Variants in HDAC4 observed in about 807,000 individuals in gnomAD.
HDAC4 encodes histone deacetylase 4, also known as histone deacetylase A.
In HDAC4, 16 loss-of-function variants were observed where a neutral mutation model predicts 135.1. That is an observed-to-expected ratio of 0.12 (90% CI 0.08 to 0.18). The LOEUF (loss-of-function observed/expected upper bound fraction) is 0.18. Among genes scored for constraint, HDAC4 ranks in the 10% least tolerant of loss-of-function variants. HDAC4 has a pLI of 1.00. For synonymous variants in HDAC4, 685 were observed against 653.4 expected (o/e 1.05, Z -0.74); for missense variants, 1,143 against 1,511.8 (o/e 0.76, Z 4.05).
chr2:239,262,529 AT>A lies in HDAC4; in HGVS notation c.23-25866del, dbSNP rs1446455893. 6.6e-6 allele frequency among the ~76,000 whole-genome samples: 1 copy of A among 152,226 alleles called. No homozygotes were observed. Among genetic ancestry groups the A allele is most frequent in the Non-Finnish European group, 1.5e-5 (1 of 68,040 alleles). On this transcript the variant is annotated intron_variant, in intron 2 of 26. Transcript: ENST00000543185. The surrounding 1 kb of genome is among the most constrained non-coding windows in gnomAD (Gnocchi z 4.1). ...CCCAGGTCCGAGATGAGGTAATGCC[AT>A]TAGCAGGCAAGACTGATCTCTACTC...
At chr2:239,090,924 C>T (rs1465407470) in intron 17 of HDAC4, among the ~76,000 whole-genome samples, 1 of 152,208 alleles carries the variant, frequency 6.6e-6, no homozygotes, top group Admixed American at 6.5e-5. Flanking sequence ...TCTCCTGTGC[C>T]GAGTTTAACT....
chr2:239,113,860 T>A (rs1341130320), intron 13 of HDAC4, among the ~76,000 whole-genome samples: 3 of 152,160 alleles, frequency 2.0e-5, no homozygotes, highest in Non-Finnish European at 4.4e-5. Context: ...GCGTTAGTTC[T>A]GCTGGGCTTT....
intron 7 of HDAC4, among the ~76,000 whole-genome samples, chr2:239,156,252 C>G (rs1240249409): frequency 1.3e-5 from 2 of 152,348 alleles, no homozygotes; most frequent in Admixed American, 6.5e-5. Context: ...CTGGCACTGC[C>G]CAGCGCCATC....
At chr2:239,104,029 C>T (rs2037900093) in intron 15 of HDAC4, among the ~76,000 whole-genome samples, 1 of 148,874 alleles carries the variant, frequency 6.7e-6, no homozygotes, top group South Asian at 2.4e-4. Context: ...ATGAAGGTCT[C>T]TTGTTTAACA....
Position 239,148,657 on chromosome 2 carries a change from G to A in HDAC4, c.734-3943C>T, listed in dbSNP as rs546892189. Among the ~76,000 whole-genome samples the A allele has an allele frequency of 2.0e-5, 3 of 152,336 alleles. No individual in the cohort carries two copies. In the South Asian group the frequency reaches 6.2e-4, roughly 32 times the overall value. On this transcript the variant is annotated intron_variant, in intron 7 of 26. Transcript: ENST00000543185. Reference sequence around the variant, plus strand: ...ATAAAGTGATTTACCAGCAAATGAGGACTCCAAAAACTCATGCTCCATGCA... The same window carrying A: ...ATAAAGTGATTTACCAGCAAATGAGAACTCCAAAAACTCATGCTCCATGCA...
At chr2:239,288,884 T>C (rs1405611621) in intron 2 of HDAC4, among the ~76,000 whole-genome samples, 1 of 151,984 alleles carries the variant, frequency 6.6e-6, no homozygotes, top group African/African-American at 2.4e-5. Context: ...ATCCATAGAG[T>C]CAATGCAATT....
At chr2:239,276,791 G>A (rs567226608) in intron 2 of HDAC4, among the ~76,000 whole-genome samples, 18 of 152,338 alleles carry the variant, frequency 1.2e-4, no homozygotes, top group African/African-American at 2.4e-4. Flanking sequence ...GAGGCAAGAC[G>A]GCAGAGGGAG....
At chr2:239,367,434 G>A (rs1020818951) in intron 1 of HDAC4, among the ~76,000 whole-genome samples, 1 of 152,120 alleles carries the variant, frequency 6.6e-6, no homozygotes, top group Non-Finnish European at 1.5e-5. Flanking sequence ...TTTCAAATGA[G>A]TAAGCACGTT....
At chr2:239,396,697 C>T (rs1042856673) in intron 1 of HDAC4, among the ~76,000 whole-genome samples, 3 of 152,208 alleles carry the variant, frequency 2.0e-5, no homozygotes, top group Non-Finnish European at 4.4e-5. Context: ...GCCCGGCTGA[C>T]GGAGTCTTTT....
At chr2:239,153,865 T>C (rs1453744273) in intron 7 of HDAC4, among the ~76,000 whole-genome samples, 3 of 152,202 alleles carry the variant, frequency 2.0e-5, no homozygotes, top group African/African-American at 4.8e-5. Flanking sequence ...CTACGAGAGA[T>C]GGCGCGGGCC....
chr2:239,385,053 GCCCTTCCCAT>G (rs1213006297), intron 1 of HDAC4, among the ~76,000 whole-genome samples: 1 of 152,168 alleles, frequency 6.6e-6, no homozygotes, highest in Non-Finnish European at 1.5e-5. Context: ...CCATGGAAGA[GCCCTTCCCAT>G]CCCTTCCCTT....
chr2:239,298,516 G>A, intron 2 of HDAC4: 1 of 1,051,540 alleles, frequency 9.5e-7, no homozygotes, highest in African/African-American at 1.7e-5. Context: ...GCACTCTACA[G>A]GGGCCTCCTC....
chr2:239,220,268 A>G (rs1210919813), intron 3 of HDAC4, among the ~76,000 whole-genome samples: 1 of 152,264 alleles, frequency 6.6e-6, no homozygotes, highest in Non-Finnish European at 1.5e-5. Flanking sequence ...AGTAATGAAC[A>G]CATCACATAT....
chr2:239,136,248 AC>A (rs2040947906), intron 9 of HDAC4, among the ~76,000 whole-genome samples: 1 of 152,212 alleles, frequency 6.6e-6, no homozygotes, highest in Non-Finnish European at 1.5e-5. Context: ...TACCTCCATG[AC>A]AGCAACGTTT....
intron 1 of HDAC4, among the ~76,000 whole-genome samples, chr2:239,376,900 C>A (rs963748577): frequency 6.6e-6 from 1 of 151,940 alleles, no homozygotes; most frequent in Middle Eastern, 3.2e-3. Context: ...TGGGGTTGCA[C>A]GATGATAGCA....
In HDAC4 at chr2:239,156,745, T is replaced by C. The variant is rs1310139194; in HGVS notation, c.640A>G (p.Ser214Gly). Residue 214 changes from serine (S) to glycine (G), a missense_variant, in exon 7 of 27, where the codon AGT (serine) becomes GGT (glycine). By Grantham distance (56) the Ser-to-Gly change is moderately conservative. This residue lies in a region of HDAC4 where 247 missense variants were observed against 310.0 expected (regional missense o/e 0.80). Coordinates refer to ENST00000543185, the MANE Select transcript of HDAC4 (RefSeq NM_001378414.1). Reference protein sequence around the residue: ...GKTQHSSLDQSSPPQSGVSTS... With the variant: ...GKTQHSSLDQGSPPQSGVSTS... ...GACACTCCGCTCTGGGGTGGAGAACTCTGGTCAAGGGAACTGTGCTGCGTT... is the reference window on the plus strand; with the variant it reads ...GACACTCCGCTCTGGGGTGGAGAACCCTGGTCAAGGGAACTGTGCTGCGTT... 2 of 1,614,122 alleles carry C rather than the reference T, an allele frequency of 1.2e-6. No individual in the cohort carries two copies. The highest frequency in any genetic ancestry group is 1.1e-5 in the South Asian group (1 of 91,072).
In HDAC4 at chr2:239,240,620, G is replaced by C. The variant is rs1446579517; in HGVS notation, c.23-3956C>G. ...TATTTTTGGAAACCCTGCTGGACAGGGACGATCGTACTGAGTGTCCTCAAA... is the reference window on the plus strand; with the variant it reads ...TATTTTTGGAAACCCTGCTGGACAGCGACGATCGTACTGAGTGTCCTCAAA... On this transcript the variant is annotated intron_variant, in intron 2 of 26. Coordinates refer to ENST00000543185, the MANE Select transcript of HDAC4 (RefSeq NM_001378414.1). This position sits in a 1 kb window ranked among gnomAD's most constrained non-coding sequence, Gnocchi z 4.5. 1.3e-5 allele frequency among the ~76,000 whole-genome samples: 2 copies of C among 152,144 alleles called. No individual in the cohort carries two copies. The highest frequency in any genetic ancestry group is 2.9e-5 in the Non-Finnish European group (2 of 68,036).
At chr2:239,319,474 C>G (rs1036060175) in intron 2 of HDAC4, among the ~76,000 whole-genome samples, 1 of 152,242 alleles carries the variant, frequency 6.6e-6, no homozygotes, top group African/African-American at 2.4e-5. Flanking sequence ...CCGAGCAAGG[C>G]GCCCTGGTCA....
In HDAC4 at chr2:239,285,966, G is replaced by A. The variant is rs1172205322; in HGVS notation, c.23-49302C>T. 1.4e-4 allele frequency among the ~76,000 whole-genome samples: 22 copies of A among 151,848 alleles called. No individual in the cohort carries two copies. The highest frequency in any genetic ancestry group is 1.4e-3 in the Admixed American group (22 of 15,238). On this transcript the variant is annotated intron_variant, in intron 2 of 26. Coordinates refer to ENST00000543185, the MANE Select transcript of HDAC4 (RefSeq NM_001378414.1). This position sits in a 1 kb window ranked among gnomAD's most constrained non-coding sequence, Gnocchi z 4.5. ...AAACAGTAAGACCAGCGAGACATAC[G>A]CTCCCAAGCAAACACAAGCCAACAC...
Sources: gnomAD v4.1 joint callset for allele counts (sites outside exome capture counted in the v4.1 genomes callset) on GRCh38, gnomAD v4.1.1 for gene constraint, gnomAD v4.1.1 regional missense constraint, Gnocchi (gnomAD v3.1) non-coding constraint, MANE v1.5 for transcripts, NCBI Gene and HGNC (gene_info 2026-07-23, HGNC 2026-07-21) for gene names.